The following LAMA1 variants were observed in gnomAD, a reference collection of about 807,000 sequenced individuals.
LAMA1 encodes laminin subunit alpha 1, also known as laminin subunit alpha-1.
Under a neutral mutation model 348.7 loss-of-function variants are expected in LAMA1, and 219 were observed. The observed-to-expected ratio is 0.63, with a 90% confidence interval of 0.56 to 0.70. The LOEUF (loss-of-function observed/expected upper bound fraction) is 0.70. LAMA1 is among the 30% of genes least tolerant of loss of function. LAMA1 has a pLI of 0.00. For missense variants in LAMA1, 3,744 were observed against 3,888.0 expected (o/e 0.96, Z 0.99); for synonymous variants, 1,487 against 1,491.0 (o/e 1.00, Z 0.06).
In LAMA1 at chr18:6,992,594, G is replaced by C; in HGVS notation, c.5135C>G (p.Thr1712Arg). 6.2e-7 allele frequency: 1 copy of C among 1,614,170 alleles called. No individual in the cohort carries two copies. The highest frequency in any genetic ancestry group is 8.5e-7 in the Non-Finnish European group (1 of 1,180,008). ...LLEIMQIRDF[T>R]QLHQNATLEL... ...AAGGGTGGCATTTTGGTGCAACTGT[G>C]TGAAGTCTCTTATCTGCATGATTTC... is the stretch of plus-strand genomic sequence containing the variant. Residue 1712 changes from threonine (T) to arginine (R), a missense_variant, in exon 36 of 63, where the codon ACA (threonine) becomes AGA (arginine). Thr to Arg is a moderately conservative substitution (Grantham distance 71). Transcript: ENST00000389658.
chr18:6,967,963 G>A (rs924810061), intron 48 of LAMA1, among the ~76,000 whole-genome samples: 2 of 152,130 alleles, frequency 1.3e-5, no homozygotes, highest in Non-Finnish European at 2.9e-5. Context: ...AATGATGACT[G>A]AACATGACCG....
At chr18:7,086,924 T>C (rs1186584674) in intron 1 of LAMA1, among the ~76,000 whole-genome samples, 1 of 45,086 alleles carries the variant, frequency 2.2e-5, no homozygotes, top group African/African-American at 8.3e-5. Context: ...CTGCCCACCA[T>C]GATCTCTCTA....
chr18:7,028,884 G>A (rs1293492773), intron 16 of LAMA1, among the ~76,000 whole-genome samples: 1 of 152,302 alleles, frequency 6.6e-6, no homozygotes. Context: ...CACGTGTGTC[G>A]CTGCTCCTCT....
chr18:6,976,267 TTAAA>T, intron 44 of LAMA1, among the ~76,000 whole-genome samples, 187 bp from the exon 45 acceptor site: 2 of 152,344 alleles, frequency 1.3e-5, no homozygotes, highest in African/African-American at 4.8e-5. Flanking sequence ...CATTAAGTGT[TTAAA>T]TATGAGAAAA....
At chr18:7,062,619 T>G (rs763589061) in intron 3 of LAMA1, among the ~76,000 whole-genome samples, 1 of 152,024 alleles carries the variant, frequency 6.6e-6, no homozygotes. Flanking sequence ...AGAGCAGAGA[T>G]AAAAGCAACG....
At chr18:6,976,939 A>G (rs994504660) in intron 44 of LAMA1, among the ~76,000 whole-genome samples, 2 of 152,222 alleles carry the variant, frequency 1.3e-5, no homozygotes, top group South Asian at 2.1e-4. Flanking sequence ...TAACTGAAAC[A>G]GATGCAAGCC....
At chr18:7,080,593 C>T (rs2058189458) in intron 1 of LAMA1, 136 bp from the exon 2 acceptor site, 1 of 891,374 alleles carries the variant, frequency 1.1e-6, no homozygotes, top group Non-Finnish European at 1.8e-6. Flanking sequence ...ACACAAACAC[C>T]GTATACGCAG....
chr18:6,955,738 A>C, intron 56 of LAMA1: 1 of 532,224 alleles, frequency 1.9e-6, no homozygotes, highest in Non-Finnish European at 3.5e-6. Context: ...TCTCCTACAA[A>C]TTTTCATCAG....
intron 36 of LAMA1, among the ~76,000 whole-genome samples, chr18:6,989,650 G>A (rs2144067420): frequency 6.6e-6 from 1 of 151,722 alleles, no homozygotes; most frequent in East Asian, 1.9e-4. Context: ...AAATTAAAGG[G>A]ATCCTAGAGG....
At position 7,044,736 on chromosome 18, in the gene LAMA1, C is replaced by T; in HGVS notation, c.962G>A (p.Gly321Asp). Reference protein sequence around the residue: ...QPWRPGTVSSGNTCEACNCHN... With the variant: ...QPWRPGTVSSDNTCEACNCHN... ...AGTATACTGACCTTCACATGTATTG[C>T]CGGAGGACACGGTTCCCGGCCTCCA... Residue 321 changes from glycine to aspartate, a missense_variant, in exon 7 of 63, where the codon GGC (glycine) becomes GAC (aspartate). By Grantham distance (94) the Gly-to-Asp change is moderately conservative. Around this residue, in one of 3 missense-constraint regions of LAMA1, gnomAD observed 1,529 missense variants for 1,689.4 expected, o/e 0.91. Transcript: ENST00000389658. 1 of 1,613,932 alleles carries T rather than the reference C, an allele frequency of 6.2e-7. No individual in the cohort carries two copies. Among genetic ancestry groups the T allele is most frequent in the Non-Finnish European group, 8.5e-7 (1 of 1,179,804 alleles).
At chr18:7,046,500 T>A in intron 5 of LAMA1, 133 bp from the exon 6 acceptor site, 1 of 575,268 alleles carries the variant, frequency 1.7e-6, no homozygotes, top group East Asian at 3.1e-5. Flanking sequence ...TACATGTACA[T>A]TTAAAAATTA....
At chr18:6,971,090 A>C (rs551736798) in intron 48 of LAMA1, among the ~76,000 whole-genome samples, 10 of 152,342 alleles carry the variant, frequency 6.6e-5, no homozygotes, top group Non-Finnish European at 1.5e-4. Context: ...CCCATTAGAC[A>C]AGAGAAATTA....
chr18:7,049,286 A>AT (rs1568046294), intron 4 of LAMA1, 29 bp from the exon 5 acceptor site: 2 of 1,574,544 alleles, frequency 1.3e-6, no homozygotes, highest in Admixed American at 3.3e-5. Flanking sequence ...AAATAGATGA[A>AT]TGTCAATTGT....
At chr18:7,021,841 ATTATAT>A (rs1568034713) in intron 19 of LAMA1, among the ~76,000 whole-genome samples, 1 of 67,254 alleles carries the variant, frequency 1.5e-5, no homozygotes, top group African/African-American at 7.4e-5. Flanking sequence ...ATAATAATAT[ATTATAT>A]TATATTATAT....
intron 23 of LAMA1, among the ~76,000 whole-genome samples, chr18:7,012,564 G>A (rs934948467): frequency 1.3e-5 from 2 of 149,874 alleles, no homozygotes; most frequent in Non-Finnish European, 3.0e-5. Flanking sequence ...GGAGTGCAGT[G>A]GCACAATCTT....
intron 32 of LAMA1, among the ~76,000 whole-genome samples, chr18:6,998,365 G>A (rs559742441): frequency 5.7e-4 from 86 of 152,108 alleles, no homozygotes; most frequent in Non-Finnish European, 9.7e-4. Context: ...ACTGGAGAAC[G>A]GATGCACCTA....
intron 57 of LAMA1, 41 bp downstream of exon 57, chr18:6,955,312 A>G: frequency 6.8e-7 from 1 of 1,464,890 alleles, no homozygotes. Context: ...CCATACATCT[A>G]GCAATGAGAC....
At chr18:7,008,726 G>C in intron 27 of LAMA1, 118 bp from the exon 28 acceptor site, 1 of 1,186,642 alleles carries the variant, frequency 8.4e-7, no homozygotes, top group Non-Finnish European at 1.2e-6. Context: ...CCTGTTTGGA[G>C]TAGTTCCTGC....
chr18:7,082,526 T>C (rs2058197063), intron 1 of LAMA1, among the ~76,000 whole-genome samples: 1 of 152,216 alleles, frequency 6.6e-6, no homozygotes, highest in Admixed American at 6.5e-5. Context: ...TACATTCTTA[T>C]GTGTGGTACT....
Sources: allele counts gnomAD v4.1 joint callset (sites outside exome capture counted in the v4.1 genomes callset), GRCh38; gene constraint gnomAD v4.1.1; regional missense constraint gnomAD v4.1.1; transcripts MANE v1.5; gene names NCBI Gene and HGNC (gene_info 2026-07-23, HGNC 2026-07-21).